The following DENND4A variants were observed in gnomAD, a reference collection of about 807,000 sequenced individuals.
DENND4A encodes DENN domain containing 4A.
Under a neutral mutation model 199.3 loss-of-function variants are expected in DENND4A, and 70 were observed. That is an observed-to-expected ratio of 0.35 (90% CI 0.29 to 0.43). DENND4A has a LOEUF of 0.43. Among genes scored for constraint, DENND4A ranks in the 20% least tolerant of loss-of-function variants. DENND4A has a pLI of 1.00. For missense variants in DENND4A, 1,723 were observed against 2,255.8 expected, an observed-to-expected ratio of 0.76 and a Z score of 4.78; for synonymous variants, 686 against 766.9, an observed-to-expected ratio of 0.89 and a Z score of 1.74.
chr15:65,767,879 G>A (rs1350777825), intron 1 of DENND4A, among the ~76,000 whole-genome samples: 1 of 152,142 alleles, frequency 6.6e-6, no homozygotes, highest in Non-Finnish European at 1.5e-5. Flanking sequence ...AAAGGGAATT[G>A]GATGAAGACG....
intron 32 of DENND4A, among the ~76,000 whole-genome samples, chr15:65,662,852 T>A (rs143933046): frequency 4.6e-4 from 70 of 152,282 alleles, no homozygotes; most frequent in African/African-American, 1.6e-3. Flanking sequence ...GTCAAGTGCA[T>A]GAGCAAGTGA....
chr15:65,789,859 A>G (rs557878150), intron 1 of DENND4A, among the ~76,000 whole-genome samples: 23 of 152,344 alleles, frequency 1.5e-4, no homozygotes, highest in African/African-American at 5.3e-4. Context: ...AATAGCAGTT[A>G]TAAGAGTAAT....
chr15:65,789,840 AAGTTTTATAATAGC>A (rs1328399435), intron 1 of DENND4A, among the ~76,000 whole-genome samples: 1 of 152,176 alleles, frequency 6.6e-6, no homozygotes, highest in Non-Finnish European at 1.5e-5. Context: ...GTGGAAAACC[AAGTTTTATAATAGC>A]AGTTATAAGA....
chr15:65,749,640 TTTAA>T (rs1227722563), intron 4 of DENND4A, among the ~76,000 whole-genome samples: 1 of 151,600 alleles, frequency 6.6e-6, no homozygotes, highest in East Asian at 1.9e-4. Context: ...ATATTTAATA[TTTAA>T]TAAATATATT....
intron 30 of DENND4A, 124 bp downstream of exon 30, chr15:65,665,221 T>C (rs2075996030): frequency 4.4e-6 from 3 of 686,672 alleles, no homozygotes; most frequent in Non-Finnish European, 7.1e-6. Flanking sequence ...GAGTACGACT[T>C]TGACCTGTAA....
At chr15:65,718,333 A>G (rs2075478721) in intron 12 of DENND4A, among the ~76,000 whole-genome samples, 1 of 152,196 alleles carries the variant, frequency 6.6e-6, no homozygotes, top group Non-Finnish European at 1.5e-5. Flanking sequence ...GGGCAACATA[A>G]GAGAGATTCT....
chr15:65,689,604 C>T (rs1208769311), intron 23 of DENND4A, among the ~76,000 whole-genome samples: 1 of 152,176 alleles, frequency 6.6e-6, no homozygotes, highest in African/African-American at 2.4e-5. Flanking sequence ...CCAACTGAGG[C>T]CCTCCTCCCT....
chr15:65,748,054 A>AGG, intron 4 of DENND4A, among the ~76,000 whole-genome samples: 1 of 148,634 alleles, frequency 6.7e-6, no homozygotes, highest in African/African-American at 2.5e-5. Context: ...AAAAAAAAAA[A>AGG]AAAAAAAAAG....
intron 23 of DENND4A, among the ~76,000 whole-genome samples, chr15:65,687,419 GCAAAAA>G (rs1381123177): frequency 4.0e-5 from 6 of 151,414 alleles, no homozygotes; most frequent in African/African-American, 1.5e-4. Flanking sequence ...AGTTTAGGAG[GCAAAAA>G]AGTAATCTTT....
chr15:65,768,620 T>C (rs924362124), intron 1 of DENND4A, among the ~76,000 whole-genome samples: 4 of 152,206 alleles, frequency 2.6e-5, no homozygotes, highest in African/African-American at 4.8e-5. Context: ...ACAATGTTTT[T>C]TGAGATTTGG....
chr15:65,726,576 G>A (rs568868554), intron 11 of DENND4A, among the ~76,000 whole-genome samples: 42 of 152,286 alleles, frequency 2.8e-4, no homozygotes, highest in African/African-American at 9.6e-4. Flanking sequence ...CAGTATGCAT[G>A]CTTTATAACA....
chr15:65,750,560 C>T (rs1567075464), intron 4 of DENND4A, among the ~76,000 whole-genome samples: 1 of 151,878 alleles, frequency 6.6e-6, no homozygotes. Flanking sequence ...TATATATACC[C>T]CACATATGTG....
At chr15:65,786,831 A>T (rs974866258) in intron 1 of DENND4A, among the ~76,000 whole-genome samples, 3 of 152,214 alleles carry the variant, frequency 2.0e-5, no homozygotes, top group Non-Finnish European at 2.9e-5. Flanking sequence ...TTGCTCATAT[A>T]TATAGTTTAT....
intron 5 of DENND4A, 73 bp from the exon 6 acceptor site, chr15:65,738,948 A>C (rs1721224128): frequency 1.7e-6 from 2 of 1,165,104 alleles, no homozygotes; most frequent in African/African-American, 3.1e-5. Flanking sequence ...TGATGATAAA[A>C]TGCTTTGTTA....
rs185122081 is a variant in DENND4A at position 65,738,099 on chromosome 15, G to C, written c.802-154C>G. On this transcript the variant is annotated intron_variant, in intron 6 of 32. Coordinates refer to ENST00000443035, the MANE Select transcript of DENND4A (RefSeq NM_001320835.1). ...GAAGAGACACCCCTCCTGCTTTCTT[G>C]ATGTATCTAAGAACTATATAGTGCT... is the stretch of plus-strand genomic sequence containing the variant. Among the ~76,000 whole-genome samples, 290 of 152,228 alleles carry C rather than the reference G, an allele frequency of 1.9e-3. 1 individual carries two copies. The highest frequency in any genetic ancestry group is 0.013 in the South Asian group (62 of 4,812).
intron 4 of DENND4A, among the ~76,000 whole-genome samples, chr15:65,745,639 C>T (rs1443645022): frequency 2.6e-5 from 4 of 151,968 alleles, no homozygotes; most frequent in South Asian, 4.2e-4. Flanking sequence ...ATTGGAAAGT[C>T]CCAACTCTAC....
chr15:65,720,687 C>T (rs1219272282), intron 12 of DENND4A, among the ~76,000 whole-genome samples: 11 of 151,684 alleles, frequency 7.3e-5, no homozygotes, highest in African/African-American at 2.7e-4. Context: ...GCTGGGATTA[C>T]AGGTATGAGC....
chr15:65,766,647 C>T (rs1391014402), intron 1 of DENND4A: 1 of 152,084 alleles, frequency 6.6e-6, no homozygotes, highest in Non-Finnish European at 1.5e-5. Flanking sequence ...GAACTGGTCC[C>T]CAGCAGACAG....
intron 12 of DENND4A, among the ~76,000 whole-genome samples, chr15:65,722,291 C>T (rs1381954871): frequency 1.3e-5 from 2 of 151,980 alleles, no homozygotes; most frequent in Non-Finnish European, 2.9e-5. Context: ...ATGGTAAGAC[C>T]CTGTCTCTGT....
Sources: gnomAD v4.1 joint callset for allele counts (sites outside exome capture counted in the v4.1 genomes callset) on GRCh38, gnomAD v4.1.1 for gene constraint, MANE v1.5 for transcripts, NCBI Gene and HGNC (gene_info 2026-07-23, HGNC 2026-07-21) for gene names.